SOX5: variants seen among roughly 807,000 people sequenced by gnomAD.
The protein encoded by SOX5 is transcription factor SOX-5.
Under a neutral mutation model 92.0 loss-of-function variants are expected in SOX5, and 9 were observed. That is an observed-to-expected ratio of 0.10 (90% CI 0.06 to 0.17). The LOEUF (loss-of-function observed/expected upper bound fraction) is 0.17, where lower values mean the gene tolerates loss of function less well. Among genes scored for constraint, SOX5 ranks in the 10% least tolerant of loss-of-function variants. The pLI is 1.00. For missense variants in SOX5, 642 were observed against 944.5 expected (o/e 0.68, Z 4.20); for synonymous variants, 344 against 336.3 (o/e 1.02, Z -0.25).
At position 23,647,448 on chromosome 12, in the gene SOX5, G is replaced by A. The variant is rs547879932; in HGVS notation, c.932-6551C>T. ...TTGGCTTCAACTTAATTCACCAGCT[G>A]CAGTAGCTCCTAAGAGTCAGCTTGT... On this transcript the variant is annotated intron_variant, in intron 7 of 14. Transcript: ENST00000451604. Among the ~76,000 whole-genome samples, 38 of 152,308 alleles carry A rather than the reference G, an allele frequency of 2.5e-4. 1 individual carries two copies. Among genetic ancestry groups the A allele is most frequent in the Admixed American group, 2.3e-3 (35 of 15,302 alleles).
At chr12:23,535,091 T>C (rs997373278) in intron 14 of SOX5, among the ~76,000 whole-genome samples, 8 of 152,208 alleles carry the variant, frequency 5.3e-5, no homozygotes, top group Admixed American at 1.3e-4. Context: ...TCCTGTTTGT[T>C]ACTACTGTTT....
intron 3 of SOX5, among the ~76,000 whole-genome samples, chr12:23,792,881 T>C (rs993485448): frequency 6.6e-6 from 1 of 152,108 alleles, no homozygotes; most frequent in East Asian, 1.9e-4. Context: ...AGTGACTAGT[T>C]GAAGACAACT....
At chr12:23,956,169 T>G (rs1036760038) in intron 4 of SOX5, among the ~76,000 whole-genome samples, 8 of 152,220 alleles carry the variant, frequency 5.3e-5, no homozygotes, top group Non-Finnish European at 1.5e-5. Context: ...GCTTGTATAC[T>G]AAGTGAATGA....
chr12:23,914,968 T>G (rs1187122806), intron 1 of SOX5, among the ~76,000 whole-genome samples: 1 of 152,090 alleles, frequency 6.6e-6, no homozygotes, highest in African/African-American at 2.4e-5. Context: ...ATGAAGGACC[T>G]AACATAAAGC....
In SOX5 at chr12:23,864,724, C is replaced by T. The variant is rs531169781; in HGVS notation, c.271-18531G>A. On this transcript the variant is annotated intron_variant, in intron 2 of 14. Coordinates refer to ENST00000451604, the MANE Select transcript of SOX5 (RefSeq NM_006940.6). ...CTGTAGAAGAAAAGTTGAAAGCTAG[C>T]AGAGGTTGGCTCATGAGATTTAAGG... Among the ~76,000 whole-genome samples, 6 of 152,256 alleles carry T rather than the reference C, an allele frequency of 3.9e-5. No homozygotes were observed. The South Asian group carries it at 1.2e-3, about 32-fold the overall frequency.
intron 2 of SOX5, among the ~76,000 whole-genome samples, chr12:23,866,092 G>A (rs753188273): frequency 5.3e-5 from 8 of 152,290 alleles, no homozygotes; most frequent in Middle Eastern, 3.4e-3. Context: ...AAGATCCTGT[G>A]AACACCGTTG....
rs2140659321 is a variant in SOX5, at chr12:23,724,456, T to A, written c.810+10228A>T. ...ACCAGTACAGTACAAAGAGATCATA[T>A]TTTTTCCCTGTTTATAATATCAAGT... On this transcript the variant is annotated intron_variant, in intron 6 of 14. Coordinates refer to ENST00000451604, the MANE Select transcript of SOX5 (RefSeq NM_006940.6). Among the ~76,000 whole-genome samples the A allele has an allele frequency of 1.3e-5, 2 of 152,298 alleles. 1 individual carries two copies. Among genetic ancestry groups the A allele is most frequent in the South Asian group, 4.1e-4 (2 of 4,830 alleles).
chr12:23,602,128 T>C (rs1566210266), intron 9 of SOX5, among the ~76,000 whole-genome samples: 1 of 152,142 alleles, frequency 6.6e-6, no homozygotes, highest in Non-Finnish European at 1.5e-5. Context: ...AAAGAAGAAC[T>C]ATATTTTTAA....
intron 1 of SOX5, among the ~76,000 whole-genome samples, chr12:24,455,650 T>C (rs961962854): frequency 6.6e-6 from 1 of 152,200 alleles, no homozygotes; most frequent in African/African-American, 2.4e-5. Context: ...TAAACATCCC[T>C]GAAAGTGATA....
chr12:24,348,581 C>T (rs1416355096), intron 2 of SOX5, among the ~76,000 whole-genome samples: 2 of 151,964 alleles, frequency 1.3e-5, no homozygotes, highest in South Asian at 2.1e-4. Context: ...CGGTGTTTCA[C>T]CATGTTGGCC....
chr12:23,799,595 A>G (rs893194131), intron 3 of SOX5, among the ~76,000 whole-genome samples: 1 of 152,086 alleles, frequency 6.6e-6, no homozygotes, highest in African/African-American at 2.4e-5. Flanking sequence ...GGATTTCTCC[A>G]AGAGAAATTT....
At chr12:23,702,972 T>C (rs914495115) in intron 6 of SOX5, among the ~76,000 whole-genome samples, 5 of 151,990 alleles carry the variant, frequency 3.3e-5, no homozygotes, top group Non-Finnish European at 2.9e-5. Context: ...TGCACATTCA[T>C]TTGAATTCCT....
At chr12:24,283,686 C>A (rs538105109) in intron 2 of SOX5, among the ~76,000 whole-genome samples, 115 of 152,274 alleles carry the variant, frequency 7.6e-4, no homozygotes, top group Admixed American at 6.6e-3. Flanking sequence ...CAAATAACTA[C>A]GTAGCTAGGG....
At chr12:24,241,180 A>T (rs1965492246) in intron 3 of SOX5, among the ~76,000 whole-genome samples, 1 of 152,216 alleles carries the variant, frequency 6.6e-6, no homozygotes, top group Non-Finnish European at 1.5e-5. Context: ...TCTTGCAATT[A>T]AAAAGAAAGT....
chr12:23,711,398 G>A (rs2092039095), intron 6 of SOX5, among the ~76,000 whole-genome samples: 1 of 152,066 alleles, frequency 6.6e-6, no homozygotes, highest in Admixed American at 6.6e-5. Flanking sequence ...TAAAATACAG[G>A]CAAAGCAGTG....
At chr12:24,088,495 A>G (rs922215482) in intron 4 of SOX5, among the ~76,000 whole-genome samples, 17 of 152,062 alleles carry the variant, frequency 1.1e-4, no homozygotes, top group African/African-American at 4.1e-4. Flanking sequence ...TAAAATATTG[A>G]TTGGTGAACA....
chr12:23,543,505 C>A, intron 12 of SOX5, 121 bp from the exon 13 acceptor site: 1 of 683,152 alleles, frequency 1.5e-6, no homozygotes, highest in Non-Finnish European at 2.5e-6. Context: ...GATAATGGTA[C>A]TTCCAGTTCT....
intron 4 of SOX5, among the ~76,000 whole-genome samples, chr12:24,106,363 A>G (rs918307567): frequency 9.2e-5 from 14 of 152,228 alleles, no homozygotes; most frequent in Admixed American, 9.2e-4. Context: ...GATACTTACA[A>G]AACATTATTC....
chr12:23,976,865 G>A (rs1948984150), intron 4 of SOX5, among the ~76,000 whole-genome samples: 1 of 151,352 alleles, frequency 6.6e-6, no homozygotes, highest in Non-Finnish European at 1.5e-5. Flanking sequence ...AAAACAACTA[G>A]TAAAACCTGT....
Sources: allele counts gnomAD v4.1 joint callset (sites outside exome capture counted in the v4.1 genomes callset), GRCh38; gene constraint gnomAD v4.1.1; transcripts MANE v1.5; gene names NCBI Gene and HGNC (gene_info 2026-07-23, HGNC 2026-07-21).